MARVELD3: variants seen among roughly 807,000 people sequenced by gnomAD.
The protein encoded by MARVELD3 is MARVEL domain-containing protein 3.
In MARVELD3, 28 loss-of-function variants were observed where a neutral mutation model predicts 33.5. The observed-to-expected ratio is 0.84, with a 90% CI of 0.62 to 1.15. The LOEUF is 1.15. Among genes scored for constraint, MARVELD3 ranks in the 50% most tolerant of loss-of-function variants. The pLI is 0.00. For synonymous variants in MARVELD3, 241 were observed against 230.4 expected (o/e 1.05, Z -0.42); for missense variants, 582 against 547.6 (o/e 1.06, Z -0.63).
Position 71,634,191 on chromosome 16 carries a change from A to G in MARVELD3, c.596-2A>G, listed in dbSNP as rs765512857. 2.5e-6 allele frequency: 4 copies of G among 1,583,560 alleles called. No homozygotes were observed. ...AAAAATGGTAACACCCTTTTTTTGC[A>G]GCCTGCTGCCAAATGCTGGAGGTTC... is the stretch of plus-strand genomic sequence containing the variant. On this transcript the variant is annotated splice_acceptor_variant, in intron 2 of 2. Coordinates refer to ENST00000268485, the MANE Select transcript of MARVELD3 (RefSeq NM_052858.6). LOFTEE classifies it high-confidence loss of function.
chr16:71,640,810 G>C (rs764933699), downstream of MARVELD3: 4 of 1,614,246 alleles, frequency 2.5e-6, no homozygotes, highest in Admixed American at 3.3e-5. Context: ...ACAAGAGAGA[G>C]GCTCTATGCC....
intron 1 of MARVELD3, 184 bp from the exon 2 acceptor site, chr16:71,629,183 G>C (rs931120482): frequency 5.0e-6 from 3 of 604,876 alleles, no homozygotes; most frequent in Non-Finnish European, 7.9e-6. Context: ...GTGGAGCTGG[G>C]CCAAGTATTT....
Position 71,626,605 on chromosome 16 carries a change from G to A in MARVELD3, c.376G>A (p.Ala126Thr), listed in dbSNP as rs1298428433. The A allele has an allele frequency of 6.5e-7, 1 of 1,541,538 alleles. No homozygotes were observed. Among genetic ancestry groups the A allele is most frequent in the East Asian group, 2.4e-5 (1 of 40,838 alleles). Reference sequence around the variant, plus strand: ...CGGAGCCCGGGGACTGACCTGGGACGCAGCCGCGCCTCCTGGGCCCGCGCC... The same window carrying A: ...CGGAGCCCGGGGACTGACCTGGGACACAGCCGCGCCTCCTGGGCCCGCGCC... ...RDGARGLTWD[A>T]AAPPGPAPWE... The change falls in exon 1 of 3, where the codon GCA becomes ACA. Residue 126 changes from alanine to threonine, a missense_variant. Physicochemically the swap from Ala to Thr is moderately conservative, Grantham distance 58. Coordinates refer to ENST00000268485, the MANE Select transcript of MARVELD3 (RefSeq NM_052858.6). The surrounding 1 kb of genome is among the most constrained non-coding windows in gnomAD (Gnocchi z 5.3).
Position 71,635,673 on chromosome 16 carries a change from A to G in MARVELD3, c.*870A>G. The G allele has an allele frequency of 1.0e-6, 1 of 985,036 alleles. No homozygotes were observed. The highest frequency in any genetic ancestry group is 1.2e-6 in the Non-Finnish European group (1 of 829,896). The allele number at this position is 985,036 out of a possible 1,614,324, so 61.0% of individuals were successfully genotyped here. A position where few individuals can be genotyped will look rare whatever the true frequency, so the allele number is the denominator to read the frequency against. On this transcript the variant is annotated 3_prime_UTR_variant, in exon 3 of 3. Transcript: ENST00000268485. The stretch of plus-strand genomic sequence containing the variant: ...GACATGAGACCACACTTCAGCCTGA[A>G]TTTTTCTAAAACACAGTTGTCTCAA...
At position 71,629,427 on chromosome 16, in the gene MARVELD3, AT is replaced by A; in HGVS notation, c.529del (p.Tyr177IlefsTer32). The A allele has an allele frequency of 6.3e-7, 1 of 1,584,332 alleles. No homozygotes were observed. The highest frequency in any genetic ancestry group is 8.6e-7 in the Non-Finnish European group (1 of 1,168,004). On this transcript the variant is annotated frameshift_variant, in exon 2 of 3. Coordinates refer to ENST00000268485, the MANE Select transcript of MARVELD3 (RefSeq NM_052858.6). LOFTEE classifies it high-confidence loss of function. ...TPRPGREEVE[Y>X]YQSEAEGLLE... is the part of the protein sequence containing the mutation. ...CCAGGCCTGGACGAGAGGAGGTGGA[AT>A]ATTACCAGTCAGAGGCGGAAGGACT...
chr16:71,632,810 C>T (rs1010741694), intron 2 of MARVELD3, among the ~76,000 whole-genome samples: 16 of 151,818 alleles, frequency 1.1e-4, no homozygotes, highest in Non-Finnish European at 1.8e-4. Context: ...CAGGGTTTCA[C>T]CATGTTGGCC....
chr16:71,633,003 C>G (rs545004971), intron 2 of MARVELD3, among the ~76,000 whole-genome samples: 190 of 152,144 alleles, frequency 1.2e-3, no homozygotes, highest in African/African-American at 4.4e-3. Flanking sequence ...TGTTTAAGCT[C>G]TGTGATTTTC....
At chr16:71,640,314 G>A (rs1018862769), downstream of MARVELD3, 74 of 1,480,806 alleles carry the variant, frequency 5.0e-5, no homozygotes, top group Non-Finnish European at 6.6e-5. Context: ...CTTAAAATCA[G>A]GTGGCCTGTG....
chr16:71,634,763 G>C lies in MARVELD3; in HGVS notation c.1166G>C (p.Arg389Thr). Residue 389 changes from arginine to threonine, a missense_variant, in exon 3 of 3, where the codon AGG becomes ACG. Coordinates refer to ENST00000268485, the MANE Select transcript of MARVELD3 (RefSeq NM_052858.6). ...GCCATAAAGGGCTACCGAAAAGTTA[G>C]GAAGCTAAAAGAGAAGCCAGCAGAA... ...VLAIKGYRKV[R>T]KLKEKPAEMF... The C allele has an allele frequency of 6.2e-7, 1 of 1,608,634 alleles. No homozygotes were observed. The highest frequency in any genetic ancestry group is 2.2e-5 in the East Asian group (1 of 44,846).
chr16:71,629,562 T>C, intron 2 of MARVELD3, 68 bp downstream of exon 2: 5 of 1,464,998 alleles, frequency 3.4e-6, no homozygotes, highest in Non-Finnish European at 4.5e-6. Context: ...TGGTCTGAGC[T>C]GGTGAAGCAA....
At chr16:71,629,022 T>G (rs1339377200) in intron 1 of MARVELD3, 1 of 208,768 alleles carries the variant, frequency 4.8e-6, no homozygotes, top group Non-Finnish European at 9.4e-6. Flanking sequence ...ATCAGAGTCA[T>G]GTGAATGCAA....
In MARVELD3 at chr16:71,630,960, A is replaced by T. The variant is rs1415665101; in HGVS notation, c.595+1466A>T. ...TCTTGGCCTTGCCAGCAATGAAGAA[A>T]ATCTGGTTTGTCTGGGTGAGAGCTT... On this transcript the variant is annotated intron_variant, in intron 2 of 2. Coordinates refer to ENST00000268485, the MANE Select transcript of MARVELD3 (RefSeq NM_052858.6). 3.9e-5 allele frequency among the ~76,000 whole-genome samples: 6 copies of T among 152,220 alleles called. No homozygotes were observed. The East Asian group carries it at 1.2e-3, about 29-fold the overall frequency.
At chr16:71,631,529 T>C (rs765729669) in intron 2 of MARVELD3, among the ~76,000 whole-genome samples, 18 of 152,040 alleles carry the variant, frequency 1.2e-4, no homozygotes, top group Non-Finnish European at 2.5e-4. Flanking sequence ...CTGCAACCTC[T>C]GCCTCCCGGG....
rs767897166 is a variant in MARVELD3, at chr16:71,634,232, T to C, written c.635T>C (p.Ile212Thr). 6.2e-7 allele frequency: 1 copy of C among 1,611,618 alleles called. No homozygotes were observed. The highest frequency in any genetic ancestry group is 1.1e-5 in the South Asian group (1 of 91,052). ...CTGGAGGTTCTCCTGAACTTGCTGA[T>C]CCTGGCCTGCAGCTCTGTGTCTTAC... ...QMLEVLLNLL[I>T]LACSSVSYSS... is the part of the protein sequence containing the mutation. The change falls in exon 3 of 3, where the codon ATC becomes ACC. Residue 212 changes from isoleucine (I) to threonine (T), a missense_variant. By Grantham distance (89) the Ile-to-Thr change is moderately conservative. Coordinates refer to ENST00000268485, the MANE Select transcript of MARVELD3 (RefSeq NM_052858.6).
chr16:71,640,801 C>T, downstream of MARVELD3: 2 of 1,614,260 alleles, frequency 1.2e-6, no homozygotes, highest in Non-Finnish European at 1.7e-6. Context: ...ACTTGCAAAA[C>T]AAGAGAGAGG....
At chr16:71,637,699 T>A (rs371278047), downstream of MARVELD3, 102 of 152,280 alleles carry the variant, frequency 6.7e-4, 3 homozygotes, top group East Asian at 0.019. Context: ...ATTATAAACA[T>A]CATGGTACCC....
chr16:71,634,360 G>T lies in MARVELD3; in HGVS notation c.763G>T (p.Ala255Ser), dbSNP rs545518270. The change falls in exon 3 of 3, where the codon GCC becomes TCC. Residue 255 changes from alanine (A) to serine (S), a missense_variant. Physicochemically the swap from Ala to Ser is moderately conservative, Grantham distance 99. Transcript: ENST00000268485. ...CTTTGATGGTGCTGACGGGGAGAAG[G>T]CCCAGCAACTGGATGTCCAGTTCTA... ...SGFDGADGEK[A>S]QQLDVQFYQL... 5.0e-6 allele frequency: 8 copies of T among 1,614,022 alleles called. No individual in the cohort carries two copies. The highest frequency in any genetic ancestry group is 1.1e-5 in the South Asian group (1 of 91,076).
At chr16:71,641,423 A>G (rs564804920), downstream of MARVELD3, 22 of 170,448 alleles carry the variant, frequency 1.3e-4, no homozygotes, top group Non-Finnish European at 2.5e-4. Flanking sequence ...CCCCATCTCT[A>G]CTAAAAATAC....
In MARVELD3 at chr16:71,626,672, AC is replaced by A; in HGVS notation, c.447del (p.Arg151AlafsTer58). 1 of 1,512,164 alleles carries A rather than the reference AC, an allele frequency of 6.6e-7. No homozygotes were observed. The allele number at this position is 1,512,164 out of a possible 1,614,324, so 93.7% of individuals were successfully genotyped here. A position where few individuals can be genotyped will look rare whatever the true frequency, so the allele number is the denominator to read the frequency against. On this transcript the variant is annotated frameshift_variant, in exon 1 of 3. Transcript: ENST00000268485. LOFTEE classifies it high-confidence loss of function. The surrounding 1 kb of genome is among the most constrained non-coding windows in gnomAD (Gnocchi z 5.3). Reference sequence around the variant, plus strand: ...CCGCCGCAGCCGCAGAGGAAGGGAGACCCCGGGCGCCGCAGACCCGAAAGGT... The same window carrying A: ...CCGCCGCAGCCGCAGAGGAAGGGAGACCCGGGCGCCGCAGACCCGAAAGGT... ...PEPPQPQRKGDPGRRRPESEP... is the reference protein window; with the variant it reads ...PEPPQPQRKGXPGRRRPESEP...
Sources: gnomAD v4.1 joint callset for allele counts (sites outside exome capture counted in the v4.1 genomes callset) on GRCh38, gnomAD v4.1.1 for gene constraint, Gnocchi (gnomAD v3.1) non-coding constraint, MANE v1.5 for transcripts, NCBI Gene and HGNC (gene_info 2026-07-23, HGNC 2026-07-21) for gene names.